Variants in INPP4A observed in about 807,000 individuals in gnomAD.
INPP4A encodes the protein inositol polyphosphate-4-phosphatase type I A, also known as inositol polyphosphate-4-phosphatase, type I, 107kD.
In INPP4A, 33 loss-of-function variants were observed where a neutral mutation model predicts 119.8. That is an observed-to-expected ratio of 0.28 (90% CI 0.21 to 0.37). INPP4A has a LOEUF of 0.37. INPP4A is among the 10% of genes least tolerant of loss of function. The probability of loss-of-function intolerance (pLI) is 1.00; values close to 1 mark genes in which losing one functional copy is unlikely to be tolerated. For synonymous variants in INPP4A, 496 were observed against 500.7 expected, an observed-to-expected ratio of 0.99 and a Z score of 0.12; for missense variants, 956 against 1,289.9, an observed-to-expected ratio of 0.74 and a Z score of 3.97.
chr2:98,523,130 C>A (rs1687533494), intron 4 of INPP4A, among the ~76,000 whole-genome samples: 1 of 152,166 alleles, frequency 6.6e-6, no homozygotes, highest in South Asian at 2.1e-4. Context: ...GTAATATGTG[C>A]TTAACTTTCA....
intron 1 of INPP4A, among the ~76,000 whole-genome samples, chr2:98,489,783 C>G (rs1294545593): frequency 6.6e-6 from 1 of 151,986 alleles, no homozygotes; most frequent in South Asian, 2.1e-4. Flanking sequence ...GGGAGGGAGA[C>G]GAAGTAGGGC....
chr2:98,535,718 T>C lies in INPP4A; in HGVS notation c.271-11T>C. Reference sequence around the variant, plus strand: ...AACCCTGTGTTCTGATTATTTCCTTTTCTGTTCTAGGGAACCAACAATCCT... The same window carrying C: ...AACCCTGTGTTCTGATTATTTCCTTCTCTGTTCTAGGGAACCAACAATCCT... On this transcript the variant is annotated splice_polypyrimidine_tract_variant and intron_variant, in intron 5 of 24. Coordinates refer to ENST00000409851, the MANE Select transcript of INPP4A (RefSeq NM_001134225.2). 1.5e-6 allele frequency: 2 copies of C among 1,291,908 alleles called. No homozygotes were observed. The highest frequency in any genetic ancestry group is 2.2e-6 in the Non-Finnish European group (2 of 907,762). The allele number at this position is 1,291,908 out of a possible 1,614,324, so 80.0% of individuals were successfully genotyped here.
intron 1 of INPP4A, among the ~76,000 whole-genome samples, chr2:98,459,591 C>T (rs1023354155): frequency 6.6e-5 from 10 of 152,216 alleles, no homozygotes; most frequent in Admixed American, 5.2e-4. Flanking sequence ...CAATGGCATT[C>T]ACAGTGTGAA....
rs1281614064 is a variant in INPP4A, at chr2:98,588,421, C to T, written c.*813C>T. 3 of 202,718 alleles carry T rather than the reference C, an allele frequency of 1.5e-5. No individual in the cohort carries two copies. Among genetic ancestry groups the T allele is most frequent in the African/African-American group, 6.9e-5 (3 of 43,622 alleles). The allele number at this position is 202,718 out of a possible 1,614,324, so 12.6% of individuals were successfully genotyped here. A position where few individuals can be genotyped will look rare whatever the true frequency, so the allele number is the denominator to read the frequency against. On this transcript the variant is annotated 3_prime_UTR_variant, in exon 25 of 25. Coordinates refer to ENST00000409851, the MANE Select transcript of INPP4A (RefSeq NM_001134225.2). ...TTCTTCTCTAGATGTTAATGTAGGG[C>T]CTCAGATGTGGCATGTCAACACTCC...
chr2:98,558,429 CAG>C (rs1448694716), intron 16 of INPP4A, among the ~76,000 whole-genome samples: 2 of 152,240 alleles, frequency 1.3e-5, no homozygotes, highest in African/African-American at 4.8e-5. Flanking sequence ...AACATGGTCT[CAG>C]GGCATCTGGG....
chr2:98,503,276 A>G (rs1192574279), intron 1 of INPP4A, among the ~76,000 whole-genome samples: 1 of 152,182 alleles, frequency 6.6e-6, no homozygotes, highest in African/African-American at 2.4e-5. Flanking sequence ...TGGTTTGAAC[A>G]ATTGAGATCC....
intron 23 of INPP4A, among the ~76,000 whole-genome samples, chr2:98,576,585 T>C (rs547091281): frequency 9.2e-5 from 14 of 152,288 alleles, no homozygotes; most frequent in African/African-American, 2.9e-4. Context: ...AGAGTGGCTC[T>C]GGCTTCCCCA....
At chr2:98,536,357 G>C (rs935153097) in intron 7 of INPP4A, 149 bp downstream of exon 7, 8 of 611,194 alleles carry the variant, frequency 1.3e-5, no homozygotes, top group African/African-American at 1.3e-4. Context: ...CTATTGAGGC[G>C]AAACAAATTA....
chr2:98,537,426 C>T (rs1375606557), intron 7 of INPP4A, among the ~76,000 whole-genome samples: 24 of 152,204 alleles, frequency 1.6e-4, no homozygotes, highest in Non-Finnish European at 3.4e-4. Context: ...AGGCTTAGGC[C>T]TTGGGCTAAT....
chr2:98,529,653 G>A (rs537422093), intron 4 of INPP4A, among the ~76,000 whole-genome samples: 7 of 152,104 alleles, frequency 4.6e-5, no homozygotes, highest in Admixed American at 2.6e-4. Context: ...GGAGAATGGC[G>A]TGAACCCGGG....
chr2:98,462,916 A>G (rs1263688535), intron 1 of INPP4A, among the ~76,000 whole-genome samples: 2 of 152,062 alleles, frequency 1.3e-5, no homozygotes, highest in African/African-American at 4.8e-5. Context: ...ATCTTGGCTC[A>G]CTGCAACCTC....
chr2:98,446,316 G>C (rs1021649824), intron 1 of INPP4A, among the ~76,000 whole-genome samples: 1 of 152,212 alleles, frequency 6.6e-6, no homozygotes, highest in Non-Finnish European at 1.5e-5. Flanking sequence ...TTTGGATCTA[G>C]GCTAGGGCAT....
chr2:98,570,442 G>T lies in INPP4A; in HGVS notation c.2518+1774G>T, dbSNP rs552703984. Among the ~76,000 whole-genome samples, 6 of 152,296 alleles carry T rather than the reference G, an allele frequency of 3.9e-5. No individual in the cohort carries two copies. In the East Asian group the frequency reaches 1.2e-3, roughly 29 times the overall value. On this transcript the variant is annotated intron_variant, in intron 22 of 24. Coordinates refer to ENST00000409851, the MANE Select transcript of INPP4A (RefSeq NM_001134225.2). The surrounding 1 kb of genome is among the most constrained non-coding windows in gnomAD (Gnocchi z 4.3). ...GCCGGACACTGGATGTGTGGACAAG[G>T]AGCTGCTGGTGATCTCTCCCATACA...
intron 1 of INPP4A, among the ~76,000 whole-genome samples, chr2:98,504,802 T>C (rs1683742453): frequency 6.6e-6 from 1 of 152,272 alleles, no homozygotes; most frequent in South Asian, 2.1e-4. Context: ...CACGTTATTA[T>C]TAACTTTCAA....
At chr2:98,475,011 A>G (rs1459364541) in intron 1 of INPP4A, among the ~76,000 whole-genome samples, 1 of 152,066 alleles carries the variant, frequency 6.6e-6, no homozygotes, top group Non-Finnish European at 1.5e-5. Flanking sequence ...CTTTGTGGCA[A>G]CAGAAAGGGC....
intron 1 of INPP4A, among the ~76,000 whole-genome samples, chr2:98,517,080 C>A (rs1194860510): frequency 6.6e-6 from 1 of 152,116 alleles, no homozygotes; most frequent in African/African-American, 2.4e-5. Context: ...GCCCCGGAAG[C>A]CCTCTCACCC....
intron 15 of INPP4A, among the ~76,000 whole-genome samples, chr2:98,555,041 G>T (rs1289754268): frequency 6.6e-6 from 1 of 152,164 alleles, no homozygotes; most frequent in East Asian, 1.9e-4. Flanking sequence ...TGAGACTACT[G>T]CTTAGAGGCA....
At position 98,473,886 on chromosome 2, in the gene INPP4A, C is replaced by T. The variant is rs143215197; in HGVS notation, c.-166+28801C>T. Among the ~76,000 whole-genome samples the T allele has an allele frequency of 1.0e-3, 156 of 152,280 alleles. 1 individual carries two copies. Among genetic ancestry groups the T allele is most frequent in the African/African-American group, 3.6e-3 (149 of 41,550 alleles). On this transcript the variant is annotated intron_variant, in intron 1 of 24. Coordinates refer to ENST00000409851, the MANE Select transcript of INPP4A (RefSeq NM_001134225.2). ...ACTTCTGTTTGAGGGCATTACATAT[C>T]TCACATAATTACATGCTATGAAGGT...
In INPP4A at chr2:98,592,313, G is replaced by C. The variant is rs768835695; in HGVS notation, c.*4705G>C. The C allele has an allele frequency of 2.0e-5, 3 of 152,548 alleles. No individual in the cohort carries two copies. The highest frequency in any genetic ancestry group is 2.9e-5 in the Non-Finnish European group (2 of 68,322). 9.4% of individuals were successfully genotyped at this position (152,548 alleles called of 1,614,324 possible). A position where few individuals can be genotyped will look rare whatever the true frequency, so the allele number is the denominator to read the frequency against. On this transcript the variant is annotated 3_prime_UTR_variant, in exon 25 of 25. Transcript: ENST00000409851. The stretch of plus-strand genomic sequence containing the variant: ...CACACGCTCCCTGTGGAACCTGCAG[G>C]GGTGGCAGTGATGACAGAACCAAGG...
Sources: gnomAD v4.1 joint callset for allele counts (sites outside exome capture counted in the v4.1 genomes callset) on GRCh38, gnomAD v4.1.1 for gene constraint, Gnocchi (gnomAD v3.1) non-coding constraint, MANE v1.5 for transcripts, NCBI Gene and HGNC (gene_info 2026-07-23, HGNC 2026-07-21) for gene names.